Variants in CCBE1 observed in about 807,000 individuals in gnomAD.
CCBE1 encodes collagen and calcium binding EGF domains 1, also known as collagen and calcium-binding EGF domain-containing protein 1.
Under a neutral mutation model 50.0 loss-of-function variants are expected in CCBE1, and 37 were observed. That is an observed-to-expected ratio of 0.74 (90% confidence interval 0.57 to 0.97). The LOEUF (loss-of-function observed/expected upper bound fraction) is 0.97. CCBE1 is among the 50% of genes least tolerant of loss of function. The pLI is 0.00. For synonymous variants in CCBE1, 234 were observed against 203.7 expected, an observed-to-expected ratio of 1.15 and a Z score of -1.27; for missense variants, 538 against 523.8, an observed-to-expected ratio of 1.03 and a Z score of -0.26.
chr18:59,566,624 C>T (rs1358766933), intron 2 of CCBE1, among the ~76,000 whole-genome samples: 2 of 152,156 alleles, frequency 1.3e-5, no homozygotes, highest in African/African-American at 4.8e-5. Context: ...CTGTTCTGTT[C>T]TGGTGTAGAT....
intron 2 of CCBE1, among the ~76,000 whole-genome samples, chr18:59,650,591 G>A (rs762508282): frequency 2.0e-5 from 3 of 151,650 alleles, no homozygotes; most frequent in African/African-American, 4.8e-5. Flanking sequence ...TATCCCAGCC[G>A]GAATTTGAAT....
chr18:59,444,618 G>A (rs970971463), intron 7 of CCBE1, among the ~76,000 whole-genome samples: 3 of 151,814 alleles, frequency 2.0e-5, no homozygotes, highest in Non-Finnish European at 4.4e-5. Flanking sequence ...CTGGGCTTAA[G>A]CGATCTTCTA....
intron 2 of CCBE1, among the ~76,000 whole-genome samples, chr18:59,649,183 T>A (rs1568253214): frequency 6.6e-6 from 1 of 152,206 alleles, no homozygotes; most frequent in Non-Finnish European, 1.5e-5. Flanking sequence ...TCCTTGCCCA[T>A]TATCTTATAG....
chr18:59,510,326 C>A (rs1598964781), intron 2 of CCBE1, among the ~76,000 whole-genome samples: 1 of 152,116 alleles, frequency 6.6e-6, no homozygotes, highest in African/African-American at 2.4e-5. Context: ...ATTCTGCCAC[C>A]TCTACTGTTG....
At chr18:59,613,141 G>A (rs2053594973) in intron 2 of CCBE1, among the ~76,000 whole-genome samples, 1 of 151,630 alleles carries the variant, frequency 6.6e-6, no homozygotes. Context: ...AAAAATAGGA[G>A]CATGCTCTAC....
At chr18:59,600,995 A>G (rs1199339150) in intron 2 of CCBE1, among the ~76,000 whole-genome samples, 1 of 59,824 alleles carries the variant, frequency 1.7e-5, no homozygotes, top group Non-Finnish European at 4.0e-5. Context: ...GATCTATTTT[A>G]TTAGCTATGT....
At chr18:59,556,233 C>T (rs1371147543) in intron 2 of CCBE1, among the ~76,000 whole-genome samples, 1 of 152,138 alleles carries the variant, frequency 6.6e-6, no homozygotes, top group Non-Finnish European at 1.5e-5. Context: ...GGTGTCTTGT[C>T]CTCAATGAGC....
chr18:59,673,157 A>G (rs958008254), intron 2 of CCBE1, among the ~76,000 whole-genome samples: 7 of 152,200 alleles, frequency 4.6e-5, no homozygotes, highest in African/African-American at 1.7e-4. Context: ...AGGATTAAAA[A>G]TAGTTTGTTG....
At chr18:59,585,610 ATTTTG>A (rs2053168628) in intron 2 of CCBE1, among the ~76,000 whole-genome samples, 1 of 152,218 alleles carries the variant, frequency 6.6e-6, no homozygotes, top group Non-Finnish European at 1.5e-5. Flanking sequence ...AAAATATCTT[ATTTTG>A]TTAAGTATCA....
Position 59,448,201 on chromosome 18 carries a change from C to T in CCBE1, c.655-98G>A, listed in dbSNP as rs913427963. The T allele has an allele frequency of 4.1e-5, 63 of 1,532,834 alleles. No homozygotes were observed. The Admixed American group carries it at 1.1e-3, about 28-fold the overall frequency. The allele number at this position is 1,532,834 out of a possible 1,614,324, so 95.0% of individuals were successfully genotyped here. On this transcript the variant is annotated intron_variant, in intron 6 of 10. Coordinates refer to ENST00000439986, the MANE Select transcript of CCBE1 (RefSeq NM_133459.4). ...GAAGCTGCAAAGCCTTTTCATGAGACATATGTATATACTTTTTACTAGAGC... is the reference window on the plus strand; with the variant it reads ...GAAGCTGCAAAGCCTTTTCATGAGATATATGTATATACTTTTTACTAGAGC...
At chr18:59,443,633 A>AT (rs11337101) in intron 7 of CCBE1, among the ~76,000 whole-genome samples, 1 of 151,440 alleles carries the variant, frequency 6.6e-6, no homozygotes, top group South Asian at 2.1e-4. Flanking sequence ...CCCCCGGCTA[A>AT]TTTTTTTGTA....
rs759992471 is a variant in CCBE1 at position 59,658,741 on chromosome 18, G to A, written c.212+37888C>T. ...CTGAAAATACAAAAATTAGCTGAGC[G>A]TGGTAGCGTGTACCTATAGTCCCAG... On this transcript the variant is annotated intron_variant, in intron 2 of 10. Transcript: ENST00000439986. Among the ~76,000 whole-genome samples the A allele has an allele frequency of 1.1e-4, 16 of 151,322 alleles. No homozygotes were observed. In the South Asian group the frequency reaches 1.9e-3, roughly 18 times the overall value.
chr18:59,494,983 G>GT (rs1913280429), intron 2 of CCBE1, among the ~76,000 whole-genome samples: 2 of 152,074 alleles, frequency 1.3e-5, no homozygotes, highest in Non-Finnish European at 1.5e-5. Flanking sequence ...GTAAAACCCT[G>GT]TCTCTACTAA....
chr18:59,536,719 A>G (rs1915263792), intron 2 of CCBE1, among the ~76,000 whole-genome samples: 1 of 152,142 alleles, frequency 6.6e-6, no homozygotes, highest in Non-Finnish European at 1.5e-5. Flanking sequence ...GCTGGGCGCA[A>G]TGGCTGACAT....
intron 2 of CCBE1, among the ~76,000 whole-genome samples, chr18:59,584,357 G>T (rs1322406186): frequency 1.6e-5 from 2 of 126,344 alleles, no homozygotes; most frequent in African/African-American, 5.9e-5. Flanking sequence ...TTGTGGGGTC[G>T]GGGGAGGGGG....
intron 2 of CCBE1, among the ~76,000 whole-genome samples, chr18:59,679,767 T>A (rs1029602395): frequency 1.3e-5 from 2 of 152,192 alleles, no homozygotes; most frequent in Admixed American, 6.5e-5. Flanking sequence ...CCTGACTACA[T>A]GTGCCTAAGG....
intron 2 of CCBE1, among the ~76,000 whole-genome samples, chr18:59,622,829 G>A (rs1019749297): frequency 2.0e-4 from 28 of 137,310 alleles, no homozygotes; most frequent in South Asian, 2.4e-4. Flanking sequence ...AAAGAAAAAA[G>A]AAAAAAAAAA....
intron 2 of CCBE1, among the ~76,000 whole-genome samples, chr18:59,571,899 C>A (rs567497403): frequency 2.0e-5 from 3 of 152,172 alleles, no homozygotes; most frequent in Non-Finnish European, 4.4e-5. Flanking sequence ...TGGATTTTAA[C>A]GAGAGCTGGT....
intron 2 of CCBE1, among the ~76,000 whole-genome samples, chr18:59,528,022 C>T (rs1164226549): frequency 6.6e-6 from 1 of 152,110 alleles, no homozygotes; most frequent in Non-Finnish European, 1.5e-5. Flanking sequence ...GAATGTTGGC[C>T]TATCTTGCTA....
Sources: gnomAD v4.1 joint callset for allele counts (sites outside exome capture counted in the v4.1 genomes callset) on GRCh38, gnomAD v4.1.1 for gene constraint, MANE v1.5 for transcripts, NCBI Gene and HGNC (gene_info 2026-07-23, HGNC 2026-07-21) for gene names.